The following SH3KBP1 variants were observed in gnomAD, a reference collection of about 807,000 sequenced individuals.
SH3KBP1 encodes the protein SH3 domain containing kinase binding protein 1.
A neutral mutation model predicts 50.1 loss-of-function variants in SH3KBP1; 8 were observed. The ratio of observed to expected loss-of-function variants is 0.16; its 90% CI spans 0.09 to 0.29. SH3KBP1 has a LOEUF of 0.29. SH3KBP1 is among the 10% of genes least tolerant of loss of function. The pLI is 1.00. For synonymous variants in SH3KBP1, 227 were observed against 218.6 expected, an observed-to-expected ratio of 1.04 and a Z score of -0.34; for missense variants, 377 against 535.2, an observed-to-expected ratio of 0.70 and a Z score of 2.92.
At chrX:19,623,688 A>T (rs761494769) in intron 8 of SH3KBP1, among the ~76,000 whole-genome samples, 49 of 112,159 alleles carry the variant, frequency 4.4e-4, no homozygotes, top group Non-Finnish European at 6.8e-4. Flanking sequence ...CATCTCAAAA[A>T]ACAAACAAAC....
intron 12 of SH3KBP1, among the ~76,000 whole-genome samples, chrX:19,581,850 G>C (rs1244864945): frequency 2.3e-5 from 2 of 88,583 alleles, no homozygotes; most frequent in Non-Finnish European, 4.3e-5. Flanking sequence ...ATCACTACAG[G>C]TTTAAAAAAA....
chrX:19,630,357 G>C (rs1469383584), intron 8 of SH3KBP1, among the ~76,000 whole-genome samples: 1 of 112,310 alleles, frequency 8.9e-6, no homozygotes, highest in African/African-American at 3.2e-5. Flanking sequence ...TACAGCATTC[G>C]TATTGTGCTT....
chrX:19,740,822 C>T (rs1026509202), intron 3 of SH3KBP1: 5 of 304,861 alleles, frequency 1.6e-5, no homozygotes, highest in East Asian at 1.0e-4. Context: ...TCAAGATCCA[C>T]GCCACCGCCT....
At chrX:19,701,893 A>T (rs7882676) in intron 4 of SH3KBP1, among the ~76,000 whole-genome samples, 17,952 of 111,635 alleles carry the variant, frequency 0.16, 1,169 homozygotes, top group African/African-American at 0.2. Flanking sequence ...ATACCTTTAA[A>T]CTTGCAAATA....
At chrX:19,577,006 G>A (rs2066222267) in intron 12 of SH3KBP1, among the ~76,000 whole-genome samples, 1 of 112,304 alleles carries the variant, frequency 8.9e-6, no homozygotes, top group South Asian at 3.7e-4. Context: ...AACTTTCCAC[G>A]AATTTGGCCA....
intron 12 of SH3KBP1, among the ~76,000 whole-genome samples, chrX:19,577,935 A>G (rs2066253327): frequency 1.8e-5 from 2 of 110,861 alleles, no homozygotes; most frequent in South Asian, 7.8e-4. Context: ...TCAACTGCCT[A>G]CAAAATTTGA....
intron 15 of SH3KBP1, among the ~76,000 whole-genome samples, 190 bp from the exon 16 acceptor site, chrX:19,542,383 G>A (rs780475808): frequency 2.1e-4 from 24 of 111,863 alleles, no homozygotes; most frequent in Non-Finnish European, 3.9e-4. Context: ...CTCACACGCC[G>A]CCTTCTATGT....
intron 2 of SH3KBP1, among the ~76,000 whole-genome samples, chrX:19,757,690 C>G (rs912953896): frequency 9.1e-6 from 1 of 110,413 alleles, no homozygotes; most frequent in Non-Finnish European, 1.9e-5. Flanking sequence ...AAATTTGGAG[C>G]CCTCAAAATC....
chrX:19,800,509 A>T (rs1033837051), intron 2 of SH3KBP1, among the ~76,000 whole-genome samples: 1 of 112,173 alleles, frequency 8.9e-6, no homozygotes, highest in African/African-American at 3.2e-5. Flanking sequence ...TCTACTATTT[A>T]CTTCTAGTCG....
At chrX:19,688,919 T>C (rs887495674) in intron 5 of SH3KBP1, among the ~76,000 whole-genome samples, 1 of 111,215 alleles carries the variant, frequency 9.0e-6, no homozygotes, top group Admixed American at 9.6e-5. Context: ...AAACACTCCA[T>C]GTTAAAATGG....
chrX:19,731,594 G>A (rs1328696960), intron 3 of SH3KBP1, among the ~76,000 whole-genome samples: 4 of 111,444 alleles, frequency 3.6e-5, no homozygotes, highest in South Asian at 7.5e-4. Flanking sequence ...TCTCTCCCTC[G>A]GTACTCAGAA....
intron 6 of SH3KBP1, among the ~76,000 whole-genome samples, chrX:19,681,219 C>T (rs866247256): frequency 1.2e-4 from 13 of 111,984 alleles, no homozygotes; most frequent in African/African-American, 3.6e-4. Context: ...AACGCACTTG[C>T]GCACACACAT....
At chrX:19,858,145 C>T (rs936030742) in intron 1 of SH3KBP1, among the ~76,000 whole-genome samples, 17 of 110,294 alleles carry the variant, frequency 1.5e-4, no homozygotes, top group Non-Finnish European at 5.7e-5. Flanking sequence ...TGCCGCTACA[C>T]TCCAGGATAG....
At chrX:19,643,300 A>ATTTTTTTTTTTTTTTTTTTTTTTTT (rs201544483) in intron 7 of SH3KBP1, among the ~76,000 whole-genome samples, 3 of 86,908 alleles carry the variant, frequency 3.5e-5, no homozygotes, top group African/African-American at 1.7e-4. Context: ...AAACTGAAGA[A>ATTTTTTTTTTTTTTTTTTTTTTTTT]TTTTTTATTT....
At chrX:19,665,090 G>T in intron 6 of SH3KBP1, among the ~76,000 whole-genome samples, 2 of 111,842 alleles carry the variant, frequency 1.8e-5, no homozygotes, top group Non-Finnish European at 3.8e-5. Context: ...GCTTCTAATA[G>T]AGAGAGACAA....
At chrX:19,742,718 T>C (rs1164458463) in intron 3 of SH3KBP1, among the ~76,000 whole-genome samples, 1 of 111,852 alleles carries the variant, frequency 8.9e-6, no homozygotes, top group Non-Finnish European at 1.9e-5. Context: ...TTTATGGGTT[T>C]AATGATAGAA....
intron 2 of SH3KBP1, chrX:19,799,493 G>A (rs777654352): frequency 3.4e-6 from 2 of 585,100 alleles, no homozygotes; most frequent in Non-Finnish European, 5.7e-6. Flanking sequence ...GTGGAAAACA[G>A]TGTTGGTCAC....
intron 6 of SH3KBP1, among the ~76,000 whole-genome samples, chrX:19,665,833 T>C (rs2062584512): frequency 8.9e-6 from 1 of 111,949 alleles, no homozygotes; most frequent in Admixed American, 9.5e-5. Context: ...ATTAAACTCA[T>C]TCCATCCCAC....
intron 2 of SH3KBP1, among the ~76,000 whole-genome samples, chrX:19,789,599 A>T (rs1230549447): frequency 1.9e-5 from 2 of 107,216 alleles, no homozygotes; most frequent in African/African-American, 6.8e-5. Context: ...GGTGAGCCCT[A>T]ATCTCCTCTT....
Sources: allele counts gnomAD v4.1 joint callset (sites outside exome capture counted in the v4.1 genomes callset), GRCh38; gene constraint gnomAD v4.1.1; transcripts MANE v1.5; gene names NCBI Gene and HGNC (gene_info 2026-07-23, HGNC 2026-07-21).